SLFN12L: variants seen among roughly 807,000 people sequenced by gnomAD.
The protein encoded by SLFN12L is schlafen family member 12-like.
Under a neutral mutation model 34.8 loss-of-function variants are expected in SLFN12L, and 34 were observed. The ratio of observed to expected loss-of-function variants is 0.98; its 90% confidence interval spans 0.74 to 1.30. The LOEUF is 1.30. Among genes scored for constraint, SLFN12L ranks in the 50% most tolerant of loss-of-function variants. The pLI, the probability that SLFN12L is intolerant of heterozygous loss-of-function variation, is 0.00. For missense variants in SLFN12L, 703 were observed against 696.2 expected, an observed-to-expected ratio of 1.01 and a Z score of -0.11; for synonymous variants, 259 against 247.5, an observed-to-expected ratio of 1.05 and a Z score of -0.44.
intron 2 of SLFN12L, chr17:35,498,185 G>GGGGAGCCGGGGCCGCCT: frequency 1.5e-6 from 1 of 687,868 alleles, no homozygotes; most frequent in Non-Finnish European, 2.6e-6. Context: ...GCGGCGGCGT[G>GGGGAGCCGGGGCCGCCT]GGGAGCCGGG....
At chr17:35,495,725 C>G (rs1567665164) in intron 2 of SLFN12L, among the ~76,000 whole-genome samples, 1 of 136,036 alleles carries the variant, frequency 7.4e-6, no homozygotes, top group Non-Finnish European at 1.6e-5. Context: ...GAGATTGGTG[C>G]CCACTCGACC....
At position 35,474,002 on chromosome 17, in the gene SLFN12L, T is replaced by A. The variant is rs1913852322; in HGVS notation, c.*921A>T. The A allele has an allele frequency of 6.6e-6, 1 of 152,240 alleles. No homozygotes were observed. Among genetic ancestry groups the A allele is most frequent in the Admixed American group, 6.5e-5 (1 of 15,282 alleles). The allele number at this position is 152,240 out of a possible 1,614,324, so 9.4% of individuals were successfully genotyped here. On this transcript the variant is annotated 3_prime_UTR_variant, in exon 5 of 5. Coordinates refer to ENST00000628453, the MANE Select transcript of SLFN12L (RefSeq NM_001363830.2). ...GGTGTGGTCTTGGCTCACTGTAACC[T>A]CCACTTCCTGCGTTCAAGCAATTCT... is the stretch of plus-strand genomic sequence containing the variant.
rs546640047 is a variant in SLFN12L, at chr17:35,531,365, A to G, written c.-606+6208T>C. ...TGAGCAGGAAATTATGTAGAAGGCC[A>G]GATCTTTCATGATCTTACTCATATG... On this transcript the variant is annotated intron_variant, in intron 1 of 4. Coordinates refer to ENST00000628453, the MANE Select transcript of SLFN12L (RefSeq NM_001363830.2). 3.9e-5 allele frequency among the ~76,000 whole-genome samples: 6 copies of G among 152,302 alleles called. No individual in the cohort carries two copies. The South Asian group carries it at 1.2e-3, about 32-fold the overall frequency.
At position 35,468,199 on chromosome 17, in the gene SLFN12L, C is replaced by T. The variant is rs1913745993; in HGVS notation, c.*6724G>A. ...GTGCTGGGATTACAGGCATGAGCTG[C>T]CATGCTCAGCCTGCTGATCTTACTG... On this transcript the variant is annotated 3_prime_UTR_variant, in exon 5 of 5. Coordinates refer to ENST00000628453, the MANE Select transcript of SLFN12L (RefSeq NM_001363830.2). Among the ~76,000 whole-genome samples the T allele has an allele frequency of 6.6e-6, 1 of 152,194 alleles. No individual in the cohort carries two copies. Among genetic ancestry groups the T allele is most frequent in the Non-Finnish European group, 1.5e-5 (1 of 68,040 alleles).
In SLFN12L at chr17:35,522,397, C is replaced by T; in HGVS notation, c.-33G>A. ...ATGGCCATGATGGTCTTTCCTAAGC[C>T]AGGTAAGCCATGGACAAACAATTCT... On this transcript the variant is annotated 5_prime_UTR_variant, in exon 2 of 5. Coordinates refer to ENST00000628453, the MANE Select transcript of SLFN12L (RefSeq NM_001363830.2). 1 of 1,614,168 alleles carries T rather than the reference C, an allele frequency of 6.2e-7. No individual in the cohort carries two copies. Among genetic ancestry groups the T allele is most frequent in the Non-Finnish European group, 8.5e-7 (1 of 1,180,034 alleles).
At chr17:35,537,036 C>A (rs1023115733) in intron 1 of SLFN12L, among the ~76,000 whole-genome samples, 6 of 151,964 alleles carry the variant, frequency 3.9e-5, no homozygotes, top group African/African-American at 1.5e-4. Flanking sequence ...ATTAGCCAGG[C>A]ACCCTCACGC....
rs967213776 is a variant in SLFN12L, at chr17:35,467,885, CT to C, written c.*7037del. ...GCACACCATTCTGTTTTCTGTTTAT[CT>C]TTTTTGTTTTGTTTGTTTGTTTTTG... On this transcript the variant is annotated 3_prime_UTR_variant, in exon 5 of 5. Coordinates refer to ENST00000628453, the MANE Select transcript of SLFN12L (RefSeq NM_001363830.2). 8.2e-4 allele frequency among the ~76,000 whole-genome samples: 125 copies of C among 152,148 alleles called. No homozygotes were observed. The highest frequency in any genetic ancestry group is 2.9e-3 in the African/African-American group (120 of 41,494).
chr17:35,530,409 G>A lies in SLFN12L; in HGVS notation c.-606+7164C>T, dbSNP rs1567693477. Among the ~76,000 whole-genome samples the A allele has an allele frequency of 4.8e-3, 59 of 12,274 alleles. 3 individuals carry two copies. Among genetic ancestry groups the A allele is most frequent in the African/African-American group, 0.012 (53 of 4,398 alleles). The allele number at this position is 12,274 out of a possible 152,430, so 8.1% of individuals were successfully genotyped here. A position where few individuals can be genotyped will look rare whatever the true frequency, so the allele number is the denominator to read the frequency against. ...AGGAAGGAAGGAAGGAAGGAAGGAA[G>A]GAAGGAAGGAAGGAAGGAAGGGAAG... On this transcript the variant is annotated intron_variant, in intron 1 of 4. Transcript: ENST00000628453.
chr17:35,530,973 C>T (rs1453642296), intron 1 of SLFN12L, among the ~76,000 whole-genome samples: 2 of 152,108 alleles, frequency 1.3e-5, no homozygotes, highest in Non-Finnish European at 2.9e-5. Context: ...AACAAATTGC[C>T]ATAACGTGGC....
chr17:35,475,544 G>C, intron 4 of SLFN12L, 59 bp from the exon 5 acceptor site: 1 of 1,477,404 alleles, frequency 6.8e-7, no homozygotes, highest in Non-Finnish European at 8.9e-7. Flanking sequence ...TTAAGCCATG[G>C]ATACAAAGCA....
rs1445915085 is a variant in SLFN12L, at chr17:35,530,527, GAAAAGAAAA to G, written c.-606+7037_-606+7045del. Among the ~76,000 whole-genome samples the G allele has an allele frequency of 6.1e-4, 23 of 37,550 alleles. 2 individuals are homozygous for G. Among genetic ancestry groups the G allele is most frequent in the Non-Finnish European group, 4.5e-4 (6 of 13,318 alleles). The allele number at this position is 37,550 out of a possible 152,430, so 24.6% of individuals were successfully genotyped here. ...AAGAAAGAAAGAAAAGAAAAGAAAAGAAAAGAAAAGAAAAGAAAGAAAGAAAGAAAGAGA... is the reference window on the plus strand; with the variant it reads ...AAGAAAGAAAGAAAAGAAAAGAAAAGGAAAAGAAAGAAAGAAAGAAAGAGA... On this transcript the variant is annotated intron_variant, in intron 1 of 4. Transcript: ENST00000628453.
intron 2 of SLFN12L, among the ~76,000 whole-genome samples, chr17:35,488,943 G>A (rs1248682727): frequency 1.3e-5 from 2 of 151,604 alleles, no homozygotes; most frequent in African/African-American, 2.4e-5. Context: ...GGTGGCACGC[G>A]CCTGTAATCC....
chr17:35,507,827 A>G (rs1240370752), intron 2 of SLFN12L, among the ~76,000 whole-genome samples: 1 of 152,218 alleles, frequency 6.6e-6, no homozygotes, highest in Non-Finnish European at 1.5e-5. Flanking sequence ...ATCACTATCG[A>G]TCTGTCTTAC....
intron 1 of SLFN12L, among the ~76,000 whole-genome samples, chr17:35,527,660 T>C (rs985525920): frequency 1.3e-5 from 2 of 152,154 alleles, no homozygotes; most frequent in Non-Finnish European, 2.9e-5. Flanking sequence ...CACCCCTCCA[T>C]GCTAAAAATT....
chr17:35,503,949 G>T (rs968833917), intron 2 of SLFN12L, among the ~76,000 whole-genome samples: 1 of 151,848 alleles, frequency 6.6e-6, no homozygotes, highest in African/African-American at 2.4e-5. Flanking sequence ...CCAGAGTTGT[G>T]GGCCACAGTC....
intron 1 of SLFN12L, among the ~76,000 whole-genome samples, chr17:35,525,028 C>G (rs760067390): frequency 6.6e-6 from 1 of 151,836 alleles, no homozygotes; most frequent in Admixed American, 6.6e-5. Context: ...CCTGATGGAG[C>G]TGAAAAACAC....
At chr17:35,498,857 C>T (rs1004423771) in intron 2 of SLFN12L, 30 of 723,816 alleles carry the variant, frequency 4.1e-5, no homozygotes, top group Middle Eastern at 5.1e-4. Context: ...CAAGTGGCAG[C>T]TCCTCCCGCA....
chr17:35,525,416 C>T (rs1031596929), intron 1 of SLFN12L, among the ~76,000 whole-genome samples: 1 of 152,108 alleles, frequency 6.6e-6, no homozygotes, highest in African/African-American at 2.4e-5. Context: ...GTCAGATTCA[C>T]CAAGGTTGAA....
At chr17:35,524,365 C>A (rs1035372469) in intron 1 of SLFN12L, among the ~76,000 whole-genome samples, 3 of 152,202 alleles carry the variant, frequency 2.0e-5, no homozygotes, top group Non-Finnish European at 4.4e-5. Context: ...GCACAGCGTT[C>A]GAGCTTGCTA....
Sources: gnomAD v4.1 joint callset for allele counts (sites outside exome capture counted in the v4.1 genomes callset) on GRCh38, gnomAD v4.1.1 for gene constraint, MANE v1.5 for transcripts, NCBI Gene and HGNC (gene_info 2026-07-23, HGNC 2026-07-21) for gene names.